The following OR7A17 variants were observed in gnomAD, a reference collection of about 807,000 sequenced individuals.
OR7A17 encodes olfactory receptor family 7 subfamily A member 17.
For synonymous variants in OR7A17, 159 were observed against 142.1 expected, an observed-to-expected ratio of 1.12 and a Z score of -0.85; for missense variants, 366 against 365.5, an observed-to-expected ratio of 1.00 and a Z score of -0.01.
chr19:14,879,032 A>G lies in OR7A17; in HGVS notation c.*1394T>C, dbSNP rs2045092935. 4 of 151,964 alleles carry G rather than the reference A, an allele frequency of 2.6e-5. No homozygotes were observed. The highest frequency in any genetic ancestry group is 2.1e-4 in the South Asian group (1 of 4,826). 9.4% of individuals were successfully genotyped at this position (151,964 alleles called of 1,614,324 possible). On this transcript the variant is annotated 3_prime_UTR_variant, in exon 3 of 3. Coordinates refer to ENST00000641113, the MANE Select transcript of OR7A17 (RefSeq NM_030901.2). ...ATTTTTGTGGGTACATAGTAGATGT[A>G]TATACTTATGGGGTACATGAGATGT...
Position 14,879,474 on chromosome 19 carries a change from T to G in OR7A17, c.*952A>C, listed in dbSNP as rs1173502796. On this transcript the variant is annotated 3_prime_UTR_variant, in exon 3 of 3. Transcript: ENST00000641113. ...CGGGGTTTCTCCCTGTTGGTCAGCC[T>G]GGTCTCCAACTCCCTACCTCAGGTG... The G allele has an allele frequency of 6.6e-6, 1 of 152,088 alleles. No homozygotes were observed. The highest frequency in any genetic ancestry group is 1.5e-5 in the Non-Finnish European group (1 of 68,162). The allele number at this position is 152,088 out of a possible 1,614,324, so 9.4% of individuals were successfully genotyped here.
At chr19:14,883,178 G>A (rs575132975) in intron 1 of OR7A17, among the ~76,000 whole-genome samples, 4 of 152,140 alleles carry the variant, frequency 2.6e-5, no homozygotes, top group Admixed American at 6.5e-5. Context: ...CGTGGCTCAC[G>A]CCTCTAATTC....
intron 1 of OR7A17, among the ~76,000 whole-genome samples, chr19:14,883,524 A>C (rs529007561): frequency 2.0e-5 from 3 of 152,062 alleles, no homozygotes; most frequent in Non-Finnish European, 2.9e-5. Context: ...TCTCCATATG[A>C]TTTCATCCTT....
In OR7A17 at chr19:14,881,194, G is replaced by A. The variant is rs1406383462; in HGVS notation, c.162C>T (p.His54=). The A allele has an allele frequency of 6.2e-7, 1 of 1,613,912 alleles. No homozygotes were observed. The highest frequency in any genetic ancestry group is 2.2e-5 in the East Asian group (1 of 44,894). ...LIILATISDS[H]LHTPMYFFLS... ...GGAAGAAGTACATGGGGGTGTGGAG[G>A]TGGGAGTCTGAGATTGTGGCCAGGA... Residue 54 remains histidine, a synonymous_variant, in exon 3 of 3, where the codon CAC becomes CAT. Coordinates refer to ENST00000641113, the MANE Select transcript of OR7A17 (RefSeq NM_030901.2).
rs10401818 is a variant in OR7A17 at position 14,880,831 on chromosome 19, G to A, written c.525C>T (p.Pro175=). The A allele has an allele frequency of 0.23, 363,180 of 1,613,880 alleles. 42,841 individuals are homozygous for A. Among genetic ancestry groups the A allele is most frequent in the African/African-American group, 0.4 (29,846 of 74,922 alleles). The change falls in exon 3 of 3, where the codon CCC becomes CCT. Residue 175 remains proline (P), a synonymous_variant. Transcript: ENST00000641113. Reference sequence around the variant, plus strand: ...CCTGATTAAGTTCACAGAAAAAGTGGGGGATTTCCAAGTCTGTGCAGAAGG... The same window carrying A: ...CCTGATTAAGTTCACAGAAAAAGTGAGGGATTTCCAAGTCTGTGCAGAAGG... The part of the protein sequence containing the change: ...WLSFCTDLEI[P]HFFCELNQVI...
Position 14,880,825 on chromosome 19 carries a change from A to G in OR7A17, c.531T>C (p.Phe177=), listed in dbSNP as rs769868365. Residue 177 remains phenylalanine, a synonymous_variant, in exon 3 of 3, where the codon TTT becomes TTC. Coordinates refer to ENST00000641113, the MANE Select transcript of OR7A17 (RefSeq NM_030901.2). ...GGATGACCTGATTAAGTTCACAGAA[A>G]AAGTGGGGGATTTCCAAGTCTGTGC... ...SFCTDLEIPH[F]FCELNQVIHL... is the part of the protein sequence containing the mutation. 4.3e-6 allele frequency: 7 copies of G among 1,614,094 alleles called. No individual in the cohort carries two copies. In the South Asian group the frequency reaches 7.7e-5, roughly 18 times the overall value.
Position 14,878,288 on chromosome 19 carries a change from A to G in OR7A17, c.*2138T>C, listed in dbSNP as rs1231244482. 1 of 152,228 alleles carries G rather than the reference A, an allele frequency of 6.6e-6. No homozygotes were observed. Among genetic ancestry groups the G allele is most frequent in the Non-Finnish European group, 1.5e-5 (1 of 68,044 alleles). The allele number at this position is 152,228 out of a possible 1,614,324, so 9.4% of individuals were successfully genotyped here. ...TAGATATAAATTGTGATTCTGATTC[A>G]CAAGTCTCTATTCTCCAAGCCAATG... is the stretch of plus-strand genomic sequence containing the variant. On this transcript the variant is annotated 3_prime_UTR_variant, in exon 3 of 3. Transcript: ENST00000641113.
Position 14,881,189 on chromosome 19 carries a change from T to C in OR7A17, c.167A>G (p.His56Arg), listed in dbSNP as rs367986308. 3 of 1,611,050 alleles carry C rather than the reference T, an allele frequency of 1.9e-6. No individual in the cohort carries two copies. Among genetic ancestry groups the C allele is most frequent in the Non-Finnish European group, 2.5e-6 (3 of 1,177,566 alleles). ...GGAGAGGAAGAAGTACATGGGGGTG[T>C]GGAGGTGGGAGTCTGAGATTGTGGC... ...ILATISDSHL[H>R]TPMYFFLSNL... Residue 56 changes from histidine (H) to arginine (R), a missense_variant, in exon 3 of 3, where the codon CAC becomes CGC. By Grantham distance (29) the His-to-Arg change is conservative (BLOSUM62 0). Transcript: ENST00000641113.
At position 14,882,941 on chromosome 19, in the gene OR7A17, A is replaced by G. The variant is rs73508575; in HGVS notation, c.-294-1070T>C. On this transcript the variant is annotated intron_variant, in intron 1 of 2. Coordinates refer to ENST00000641113, the MANE Select transcript of OR7A17 (RefSeq NM_030901.2). ...AATACCAGGCAAGTTGTCAATTTCA[A>G]ATTATCTTTCCCCACGAGAATTCAG... 3.2e-3 allele frequency among the ~76,000 whole-genome samples: 484 copies of G among 152,260 alleles called. 3 individuals are homozygous for G. Among genetic ancestry groups the G allele is most frequent in the African/African-American group, 0.011 (444 of 41,522 alleles).
At position 14,880,923 on chromosome 19, in the gene OR7A17, C is replaced by A. The variant is rs2045105719; in HGVS notation, c.433G>T (p.Val145Phe). The change falls in exon 3 of 3, where the codon GTT (valine) becomes TTT (phenylalanine). Residue 145 changes from valine (V) to phenylalanine (F), a missense_variant. Physicochemically the swap from Val to Phe is conservative, Grantham distance 50. Coordinates refer to ENST00000641113, the MANE Select transcript of OR7A17 (RefSeq NM_030901.2). Reference sequence around the variant, plus strand: ...GCAGCAATCATCCAGGATGCCAGAACCAGGAGTCCACAGAGCCGAGGGTTC... The same window carrying A: ...GCAGCAATCATCCAGGATGCCAGAAACAGGAGTCCACAGAGCCGAGGGTTC... ...IMNPRLCGLL[V>F]LASWMIAALN... 2 of 1,614,144 alleles carry A rather than the reference C, an allele frequency of 1.2e-6. No individual in the cohort carries two copies. The highest frequency in any genetic ancestry group is 1.7e-6 in the Non-Finnish European group (2 of 1,180,024).
intron 1 of OR7A17, among the ~76,000 whole-genome samples, chr19:14,884,405 T>C (rs563070965): frequency 1.1e-3 from 167 of 152,156 alleles, no homozygotes; most frequent in African/African-American, 4.0e-3. Flanking sequence ...AGCCGGGGCA[T>C]CATAGTGAGA....
Position 14,880,793 on chromosome 19 carries a change from G to T in OR7A17, c.563C>A (p.Ala188Asp). 3 of 1,614,212 alleles carry T rather than the reference G, an allele frequency of 1.9e-6. No individual in the cohort carries two copies. The East Asian group carries it at 6.7e-5, about 36-fold the overall frequency. Reference sequence around the variant, plus strand: ...GTCATTAAGAAAGGTGTCAGAACAGGCAAGGTGGATGACCTGATTAAGTTC... The same window carrying T: ...GTCATTAAGAAAGGTGTCAGAACAGTCAAGGTGGATGACCTGATTAAGTTC... ...FCELNQVIHL[A>D]CSDTFLNDMG... The change falls in exon 3 of 3, where the codon GCC becomes GAC. Residue 188 changes from alanine (A) to aspartate (D), a missense_variant. Coordinates refer to ENST00000641113, the MANE Select transcript of OR7A17 (RefSeq NM_030901.2).
Position 14,880,517 on chromosome 19 carries a change from A to C in OR7A17, c.839T>G (p.Val280Gly), listed in dbSNP as rs1247360685. The change falls in exon 3 of 3, where the codon GTG becomes GGG. Residue 280 changes from valine to glycine, a missense_variant. Transcript: ENST00000641113. ...TSATASVMYT[V>G]ATPMLNPFIY... ...AAAGGGGTTCAGCATGGGGGTGGCC[A>C]CAGTGTACATCACTGAGGCTGTTGC... 6.2e-7 allele frequency: 1 copy of C among 1,613,928 alleles called. No individual in the cohort carries two copies. The highest frequency in any genetic ancestry group is 8.5e-7 in the Non-Finnish European group (1 of 1,179,936).
rs767548406 is a variant in OR7A17 at position 14,881,050 on chromosome 19, G to A, written c.306C>T (p.Cys102=). The A allele has an allele frequency of 5.6e-6, 9 of 1,614,158 alleles. No homozygotes were observed. Among genetic ancestry groups the A allele is most frequent in the South Asian group, 1.1e-5 (1 of 91,084 alleles). ...ITYAGCITQM[C]FFVLFGGLDS... is the part of the protein sequence containing the mutation. The stretch of plus-strand genomic sequence containing the variant: ...CTAACCCTCCAAAAAGTACAAAAAA[G>A]CACATCTGGGTGATGCAGCCTGCAT... Residue 102 remains cysteine (C), a synonymous_variant, in exon 3 of 3, where the codon TGC becomes TGT. Transcript: ENST00000641113.
At chr19:14,882,930 T>A (rs2053438786) in intron 1 of OR7A17, among the ~76,000 whole-genome samples, 1 of 152,214 alleles carries the variant, frequency 6.6e-6, no homozygotes, top group African/African-American at 2.4e-5. Flanking sequence ...CCAGGCAAGT[T>A]GTCAATTTCA....
chr19:14,880,834 G>A lies in OR7A17; in HGVS notation c.522C>T (p.Ile174=), dbSNP rs774825180. The part of the protein sequence containing the change: ...LWLSFCTDLE[I]PHFFCELNQV... ...GATTAAGTTCACAGAAAAAGTGGGG[G>A]ATTTCCAAGTCTGTGCAGAAGGACA... is the stretch of plus-strand genomic sequence containing the variant. The change falls in exon 3 of 3, where the codon ATC becomes ATT. Residue 174 remains isoleucine, a synonymous_variant. Coordinates refer to ENST00000641113, the MANE Select transcript of OR7A17 (RefSeq NM_030901.2). The A allele has an allele frequency of 2.6e-4, 414 of 1,614,066 alleles. No homozygotes were observed. The highest frequency in any genetic ancestry group is 3.3e-4 in the Non-Finnish European group (385 of 1,180,048).
In OR7A17 at chr19:14,879,265, AT is replaced by A. The variant is rs36028606; in HGVS notation, c.*1160del. ...ACTTGAAGTGTGAATTTGATAGGCA[AT>A]TTTTTTTTTTTTGAGATGGAGTTTC... On this transcript the variant is annotated 3_prime_UTR_variant, in exon 3 of 3. Coordinates refer to ENST00000641113, the MANE Select transcript of OR7A17 (RefSeq NM_030901.2). 0.24 allele frequency: 35,537 copies of A among 147,866 alleles called. 5,430 individuals carry two copies. Among genetic ancestry groups the A allele is most frequent in the East Asian group, 0.62 (3,108 of 4,982 alleles). The allele number at this position is 147,866 out of a possible 1,614,324, so 9.2% of individuals were successfully genotyped here. A position where few individuals can be genotyped will look rare whatever the true frequency, so the allele number is the denominator to read the frequency against.
Position 14,880,209 on chromosome 19 carries a change from CAAAAA to C in OR7A17, c.*212_*216del, listed in dbSNP as rs3030635. ...AAACATTGGGAAAGTAGGAAAATGACAAAAAAAAAAAAAAAAAAAAGATTGGATAT... is the reference window on the plus strand; with the variant it reads ...AAACATTGGGAAAGTAGGAAAATGACAAAAAAAAAAAAAAAGATTGGATAT... On this transcript the variant is annotated 3_prime_UTR_variant, in exon 3 of 3. Coordinates refer to ENST00000641113, the MANE Select transcript of OR7A17 (RefSeq NM_030901.2). The C allele has an allele frequency of 0.16, 27,192 of 171,994 alleles. 1,303 individuals carry two copies. Among genetic ancestry groups the C allele is most frequent in the South Asian group, 0.18 (976 of 5,462 alleles). The allele number at this position is 171,994 out of a possible 1,614,324, so 10.7% of individuals were successfully genotyped here.
At chr19:14,884,689 G>A (rs1005824989) in intron 1 of OR7A17, 5 of 152,064 alleles carry the variant, frequency 3.3e-5, no homozygotes, top group Admixed American at 2.0e-4. Context: ...GAATTCTGCC[G>A]GAGGTACAGA....
Sources: allele counts gnomAD v4.1 joint callset (sites outside exome capture counted in the v4.1 genomes callset), GRCh38; gene constraint gnomAD v4.1.1; transcripts MANE v1.5; gene names NCBI Gene and HGNC (gene_info 2026-07-23, HGNC 2026-07-21).